SPTBN1: variants seen among roughly 807,000 people sequenced by gnomAD.
The protein encoded by SPTBN1 is spectrin beta, non-erythrocytic 1, also known as spectrin beta chain, non-erythrocytic 1.
SPTBN1 carries 32 observed loss-of-function variants against 266.4 expected under a neutral mutation model. The ratio of observed to expected loss-of-function variants is 0.12; its 90% confidence interval spans 0.09 to 0.16. The LOEUF (loss-of-function observed/expected upper bound fraction) is 0.16. Among genes scored for constraint, SPTBN1 ranks in the 10% least tolerant of loss-of-function variants. The probability of loss-of-function intolerance (pLI) is 1.00; values close to 1 mark genes in which losing one functional copy is unlikely to be tolerated. For missense variants in SPTBN1, 2,296 were observed against 3,067.1 expected (o/e 0.75, Z 5.94); for synonymous variants, 1,336 against 1,162.2 (o/e 1.15, Z -3.04).
Position 54,489,536 on chromosome 2 carries a change from C to T in SPTBN1, c.-48+33018C>T, listed in dbSNP as rs566203672. Among the ~76,000 whole-genome samples the T allele has an allele frequency of 9.3e-5, 14 of 151,314 alleles. No individual in the cohort carries two copies. In the East Asian group the frequency reaches 2.4e-3, roughly 25 times the overall value. On this transcript the variant is annotated intron_variant, in intron 1 of 35. Coordinates refer to ENST00000356805, the MANE Select transcript of SPTBN1 (RefSeq NM_003128.3). ...GCCAACATGGTGAAACCCCGTCTTA[C>T]TAAAAATACAAAAATTAGCCAGGCG... is the stretch of plus-strand genomic sequence containing the variant.
At chr2:54,520,305 A>G (rs1205731156) in intron 1 of SPTBN1, 1 of 152,190 alleles carries the variant, frequency 6.6e-6, no homozygotes, top group East Asian at 1.9e-4. Context: ...TAATCAATAT[A>G]GAGGAGAACT....
At chr2:54,633,013 A>G (rs1678858189) in intron 17 of SPTBN1, among the ~76,000 whole-genome samples, 1 of 152,068 alleles carries the variant, frequency 6.6e-6, no homozygotes, top group Non-Finnish European at 1.5e-5. Flanking sequence ...AAGCCAAGCT[A>G]ATTCTTAACC....
In SPTBN1 at chr2:54,671,021, A is replaced by G; in HGVS notation, c.*2452A>G. On this transcript the variant is annotated 3_prime_UTR_variant, in exon 36 of 36. Coordinates refer to ENST00000356805, the MANE Select transcript of SPTBN1 (RefSeq NM_003128.3). ...ATTTTGCATATTTCTTGTTGCCATA[A>G]TGCTGTGCTATTTTACCCTGATTTT... 5.2e-6 allele frequency: 2 copies of G among 388,208 alleles called. No individual in the cohort carries two copies. The highest frequency in any genetic ancestry group is 9.1e-6 in the Non-Finnish European group (2 of 220,230). 24.0% of individuals were successfully genotyped at this position (388,208 alleles called of 1,614,324 possible).
chr2:54,657,015 G>T (rs1308302800), intron 29 of SPTBN1, among the ~76,000 whole-genome samples: 1 of 152,228 alleles, frequency 6.6e-6, no homozygotes, highest in Admixed American at 6.5e-5. Context: ...TAGCTAGCCA[G>T]CTCCTTGGGA....
intron 1 of SPTBN1, among the ~76,000 whole-genome samples, chr2:54,489,157 A>G (rs1048756812): frequency 6.7e-6 from 1 of 149,042 alleles, no homozygotes; most frequent in Admixed American, 6.7e-5. Context: ...TATTTAAAAA[A>G]AAAAAAAAAA....
rs1680153133 is a variant in SPTBN1, at chr2:54,649,813, C to G, written c.5401C>G (p.Leu1801Val). Residue 1801 changes from leucine (L) to valine (V), a missense_variant, in exon 26 of 36, where the codon CTT becomes GTT. Physicochemically the swap from Leu to Val is conservative, Grantham distance 32. This residue lies in a region of SPTBN1 where 644 missense variants were observed against 745.3 expected (regional missense o/e 0.86). Coordinates refer to ENST00000356805, the MANE Select transcript of SPTBN1 (RefSeq NM_003128.3). The surrounding 1 kb of genome is among the most constrained non-coding windows in gnomAD (Gnocchi z 6.7). ...LELIDTRTQILAASYELHKFY... is the reference protein window; with the variant it reads ...LELIDTRTQIVAASYELHKFY... ...GCTCATTGACACAAGAACACAGATT[C>G]TTGCCGCTTCCTATGAACTGCACAA... is the stretch of plus-strand genomic sequence containing the variant. 1 of 1,614,192 alleles carries G rather than the reference C, an allele frequency of 6.2e-7. No individual in the cohort carries two copies. The highest frequency in any genetic ancestry group is 8.5e-7 in the Non-Finnish European group (1 of 1,180,034).
Position 54,669,222 on chromosome 2 carries a change from AAAT to A in SPTBN1, c.*657_*659del, listed in dbSNP as rs1453455290. ...AGGAATAGAAAACTGATACTGTTTT[AAAT>A]AATCTGTAATTTCAATTTTTTTTTT... On this transcript the variant is annotated 3_prime_UTR_variant, in exon 36 of 36. Transcript: ENST00000356805. The A allele has an allele frequency of 4.4e-5, 6 of 135,870 alleles. No individual in the cohort carries two copies. Among genetic ancestry groups the A allele is most frequent in the Non-Finnish European group, 6.1e-5 (4 of 65,100 alleles). 8.4% of individuals were successfully genotyped at this position (135,870 alleles called of 1,614,324 possible). A position where few individuals can be genotyped will look rare whatever the true frequency, so the allele number is the denominator to read the frequency against.
chr2:54,531,508 T>A (rs1287338006), intron 2 of SPTBN1, among the ~76,000 whole-genome samples: 4 of 152,090 alleles, frequency 2.6e-5, no homozygotes, highest in Non-Finnish European at 4.4e-5. Flanking sequence ...ACTACAGCCT[T>A]GAATTCCTGA....
At chr2:54,651,402 T>C (rs1022040674) in intron 26 of SPTBN1, among the ~76,000 whole-genome samples, 2 of 152,206 alleles carry the variant, frequency 1.3e-5, no homozygotes, top group African/African-American at 4.8e-5. Flanking sequence ...AAAGGATGTG[T>C]GTCCTACTGC....
At chr2:54,614,045 A>G in intron 4 of SPTBN1, among the ~76,000 whole-genome samples, 1 of 152,150 alleles carries the variant, frequency 6.6e-6, no homozygotes, top group Admixed American at 6.5e-5. Context: ...GCTTCCTGCC[A>G]GTTTGCATAT....
At chr2:54,499,221 ATTTG>A (rs1558781995) in intron 1 of SPTBN1, among the ~76,000 whole-genome samples, 1 of 152,038 alleles carries the variant, frequency 6.6e-6, no homozygotes, top group Non-Finnish European at 1.5e-5. Context: ...GTTTTTTTGT[ATTTG>A]TTTTAATTTT....
At chr2:54,557,833 C>G (rs1217417844) in intron 2 of SPTBN1, 1 of 985,316 alleles carries the variant, frequency 1.0e-6, no homozygotes, top group African/African-American at 1.7e-5. Flanking sequence ...GAACTTACAC[C>G]TCCCCTGGCT....
At chr2:54,616,336 C>G (rs1027043165) in intron 5 of SPTBN1, 38 bp downstream of exon 5, 2 of 1,579,844 alleles carry the variant, frequency 1.3e-6, no homozygotes, top group Non-Finnish European at 1.7e-6. Context: ...GCTGCTTCTT[C>G]CAGGACTGAA....
Position 54,649,494 on chromosome 2 carries a change from T to G in SPTBN1, c.5203-121T>G. The G allele has an allele frequency of 7.1e-7, 1 of 1,411,422 alleles. No individual in the cohort carries two copies. Among genetic ancestry groups the G allele is most frequent in the Non-Finnish European group, 9.5e-7 (1 of 1,056,916 alleles). The allele number at this position is 1,411,422 out of a possible 1,614,324, so 87.4% of individuals were successfully genotyped here. On this transcript the variant is annotated intron_variant, in intron 25 of 35. Transcript: ENST00000356805. This position sits in a 1 kb window ranked among gnomAD's most constrained non-coding sequence, Gnocchi z 6.7. ...CGAGCTAAGATCTATTGTTCTGAAG[T>G]CATGAGTATTATTGGCTACATCTTG...
chr2:54,631,333 G>C lies in SPTBN1; in HGVS notation c.3286G>C (p.Glu1096Gln). Residue 1096 changes from glutamate to glutamine, a missense_variant, in exon 16 of 36, where the codon GAG (glutamate) becomes CAG (glutamine). Physicochemically the swap from Glu to Gln is conservative, Grantham distance 29 (BLOSUM62 2). Transcript: ENST00000356805. ...ASEDMPNTLT[E>Q]AEKLLTQHEN... ...GGAGGACATGCCAAACACCCTGACC[G>C]AGGCTGAGAAGCTGCTCACGCAGCA... The C allele has an allele frequency of 6.2e-7, 1 of 1,614,272 alleles. No homozygotes were observed. The highest frequency in any genetic ancestry group is 8.5e-7 in the Non-Finnish European group (1 of 1,180,056).
At position 54,558,692 on chromosome 2, in the gene SPTBN1, G is replaced by C; in HGVS notation, c.148+32126G>C. 1 of 1,544,166 alleles carries C rather than the reference G, an allele frequency of 6.5e-7. No homozygotes were observed. The highest frequency in any genetic ancestry group is 8.8e-7 in the Non-Finnish European group (1 of 1,141,106). On this transcript the variant is annotated intron_variant, in intron 2 of 35. Coordinates refer to ENST00000356805, the MANE Select transcript of SPTBN1 (RefSeq NM_003128.3). The surrounding 1 kb of genome is among the most constrained non-coding windows in gnomAD (Gnocchi z 4.6). ...GCTCGCCTAAGGAGCCGAGCGCTGC[G>C]GAGGCTGCTGCGTGTTGGATGGGAG...
chr2:54,479,394 T>C (rs1667995078), intron 1 of SPTBN1, among the ~76,000 whole-genome samples: 2 of 152,320 alleles, frequency 1.3e-5, no homozygotes, highest in East Asian at 3.9e-4. Context: ...GGAGGGAGTA[T>C]TTTACAGTGG....
chr2:54,656,272 G>C (rs965879014), intron 29 of SPTBN1, among the ~76,000 whole-genome samples: 1 of 152,168 alleles, frequency 6.6e-6, no homozygotes, highest in African/African-American at 2.4e-5. Context: ...GGAGAATACA[G>C]ATAGAAGCCC....
rs1678838509 is a variant in SPTBN1 at position 54,632,760 on chromosome 2, T to A, written c.3759T>A (p.Ile1253=). The A allele has an allele frequency of 6.2e-7, 1 of 1,614,014 alleles. No individual in the cohort carries two copies. The highest frequency in any genetic ancestry group is 1.7e-5 in the Admixed American group (1 of 59,998). ...GCATCCAGGAGAAGGTGGACTCTAT[T>A]GATGACAGGTACAGTTTTCTGAGGT... ...SDRIQEKVDS[I]DDRHRKNRET... Residue 1253 remains isoleucine, a synonymous_variant, in exon 17 of 36, where the codon ATT becomes ATA. Transcript: ENST00000356805.
Sources: gnomAD v4.1 joint callset for allele counts (sites outside exome capture counted in the v4.1 genomes callset) on GRCh38, gnomAD v4.1.1 for gene constraint, gnomAD v4.1.1 regional missense constraint, Gnocchi (gnomAD v3.1) non-coding constraint, MANE v1.5 for transcripts, NCBI Gene and HGNC (gene_info 2026-07-23, HGNC 2026-07-21) for gene names.